GRID2: variants seen among roughly 807,000 people sequenced by gnomAD.
GRID2 encodes glutamate ionotropic receptor delta type subunit 2, also known as glutamate receptor ionotropic, delta-2.
GRID2 carries 33 observed loss-of-function variants against 114.8 expected under a neutral mutation model. The ratio of observed to expected loss-of-function variants is 0.29; its 90% CI spans 0.22 to 0.38. GRID2 has a LOEUF of 0.38. Among genes scored for constraint, GRID2 ranks in the 10% least tolerant of loss-of-function variants. GRID2 has a pLI of 1.00. For synonymous variants in GRID2, 505 were observed against 449.9 expected (o/e 1.12, Z -1.55); for missense variants, 1,184 against 1,257.7 (o/e 0.94, Z 0.89).
chr4:92,380,523 T>G (rs1043484408), intron 1 of GRID2, among the ~76,000 whole-genome samples: 2 of 152,006 alleles, frequency 1.3e-5, no homozygotes, highest in Admixed American at 1.3e-4. Flanking sequence ...CATTTTTGTC[T>G]CATTTTTCTA....
intron 8 of GRID2, among the ~76,000 whole-genome samples, chr4:93,239,896 G>C (rs1426493814): frequency 6.6e-6 from 1 of 151,524 alleles, no homozygotes; most frequent in Admixed American, 6.6e-5. Context: ...CTTATGAATG[G>C]TCTCAAGAAT....
At chr4:93,478,683 A>G (rs1259694570) in intron 11 of GRID2, among the ~76,000 whole-genome samples, 3 of 151,912 alleles carry the variant, frequency 2.0e-5, no homozygotes, top group African/African-American at 4.8e-5. Flanking sequence ...TGTTAACATT[A>G]AAATATATTA....
intron 1 of GRID2, among the ~76,000 whole-genome samples, chr4:92,313,989 A>G (rs961773031): frequency 3.9e-5 from 6 of 152,132 alleles, no homozygotes; most frequent in Non-Finnish European, 7.4e-5. Flanking sequence ...TTCAGTCCTA[A>G]GAGAATTATC....
At chr4:93,195,680 G>C (rs1741417255) in intron 4 of GRID2, among the ~76,000 whole-genome samples, 1 of 152,116 alleles carries the variant, frequency 6.6e-6, no homozygotes, top group Non-Finnish European at 1.5e-5. Flanking sequence ...ATGAGGGTCA[G>C]CTTTAACTAG....
chr4:93,343,162 GTGTGT>G (rs1759835602), intron 8 of GRID2, among the ~76,000 whole-genome samples: 1 of 151,546 alleles, frequency 6.6e-6, no homozygotes, highest in African/African-American at 2.4e-5. Context: ...GTGTGTGTGT[GTGTGT>G]GTGTGTGTGT....
At chr4:93,554,366 C>T (rs1444868375) in intron 13 of GRID2, among the ~76,000 whole-genome samples, 1 of 152,056 alleles carries the variant, frequency 6.6e-6, no homozygotes, top group Non-Finnish European at 1.5e-5. Context: ...TTCGTAGAAG[C>T]TTGAATCTTC....
At chr4:92,815,921 AAAAAAAAAAAAAAAAAAGGAAAG>A (rs1740874389) in intron 2 of GRID2, among the ~76,000 whole-genome samples, 1 of 145,624 alleles carries the variant, frequency 6.9e-6, no homozygotes, top group Non-Finnish European at 1.5e-5. Context: ...TCTCAAAAAA[AAAAAAAAAAAAAAAAAAGGAAAG>A]AAAAAAACAA....
At chr4:92,749,130 A>C (rs934196648) in intron 2 of GRID2, among the ~76,000 whole-genome samples, 3 of 150,882 alleles carry the variant, frequency 2.0e-5, no homozygotes, top group African/African-American at 7.3e-5. Context: ...AGTAGCTGGG[A>C]CTATAGGCGC....
intron 2 of GRID2, among the ~76,000 whole-genome samples, chr4:92,650,735 G>A (rs1355085940): frequency 1.3e-5 from 2 of 151,844 alleles, no homozygotes; most frequent in Non-Finnish European, 1.5e-5. Context: ...CACAAATGTA[G>A]ATAGTGAGTC....
At chr4:92,653,268 G>A (rs1181669791) in intron 2 of GRID2, among the ~76,000 whole-genome samples, 2 of 150,102 alleles carry the variant, frequency 1.3e-5, no homozygotes, top group Non-Finnish European at 1.5e-5. Flanking sequence ...CAAAGTGCTA[G>A]GATTACAGGT....
intron 1 of GRID2, among the ~76,000 whole-genome samples, chr4:92,510,516 G>T (rs111567880): frequency 6.6e-6 from 1 of 151,822 alleles, no homozygotes; most frequent in African/African-American, 2.4e-5. Flanking sequence ...AGTCATCAAG[G>T]GTTTGATAGA....
chr4:92,325,344 G>A (rs1726537305), intron 1 of GRID2, among the ~76,000 whole-genome samples: 1 of 151,830 alleles, frequency 6.6e-6, no homozygotes, highest in African/African-American at 2.4e-5. Flanking sequence ...TTGAAAGAAT[G>A]AAAGTGACTG....
At chr4:92,604,560 A>C (rs1729367375) in intron 2 of GRID2, among the ~76,000 whole-genome samples, 1 of 152,052 alleles carries the variant, frequency 6.6e-6, no homozygotes, top group Non-Finnish European at 1.5e-5. Context: ...AAGCATCAGG[A>C]TAAATAACTA....
intron 2 of GRID2, among the ~76,000 whole-genome samples, chr4:92,694,027 T>C (rs1437072571): frequency 1.3e-5 from 2 of 151,964 alleles, no homozygotes; most frequent in Non-Finnish European, 2.9e-5. Context: ...GATTGAGGAT[T>C]TGTGTGGGGA....
At chr4:92,986,582 T>G (rs2149196378) in intron 2 of GRID2, among the ~76,000 whole-genome samples, 1 of 152,266 alleles carries the variant, frequency 6.6e-6, no homozygotes, top group East Asian at 1.9e-4. Context: ...GTAGCAATGT[T>G]AACTTTCTGG....
intron 10 of GRID2, among the ~76,000 whole-genome samples, chr4:93,440,322 T>C (rs1224001971): frequency 6.6e-6 from 1 of 151,318 alleles, no homozygotes; most frequent in Non-Finnish European, 1.5e-5. Context: ...CCTTGTGAAA[T>C]GAGGAGATAG....
chr4:93,405,327 G>T (rs1340321122), intron 9 of GRID2, among the ~76,000 whole-genome samples: 1 of 152,140 alleles, frequency 6.6e-6, no homozygotes. Context: ...AAGAATTGAT[G>T]CATGACAATG....
At chr4:93,579,777 G>A (rs1343771276) in intron 13 of GRID2, among the ~76,000 whole-genome samples, 1 of 152,150 alleles carries the variant, frequency 6.6e-6, no homozygotes, top group Non-Finnish European at 1.5e-5. Flanking sequence ...TGGCCCTAAA[G>A]AGAGTCCACA....
At chr4:93,807,995 C>T (rs1735064976) in exon 2 of GRID2, 1 of 152,024 alleles carries the variant, frequency 6.6e-6, no homozygotes, top group Non-Finnish European at 1.5e-5. Flanking sequence ...CCCAGTTGCC[C>T]AAGCTGATGC....
Sources: gnomAD v4.1 joint callset for allele counts (sites outside exome capture counted in the v4.1 genomes callset) on GRCh38, gnomAD v4.1.1 for gene constraint, MANE v1.5 for transcripts, NCBI Gene and HGNC (gene_info 2026-07-23, HGNC 2026-07-21) for gene names.